GIGYF1: variants seen among roughly 807,000 people sequenced by gnomAD.
The protein encoded by GIGYF1 is GRB10 interacting GYF protein 1.
Under a neutral mutation model 147.1 loss-of-function variants are expected in GIGYF1, and 84 were observed. The ratio of observed to expected loss-of-function variants is 0.57; its 90% confidence interval spans 0.48 to 0.68. The LOEUF is 0.68. GIGYF1 is among the 30% of genes least tolerant of loss of function. The pLI is 0.00. For missense variants in GIGYF1, 1,485 were observed against 1,393.7 expected, an observed-to-expected ratio of 1.07 and a Z score of -1.04; for synonymous variants, 752 against 589.5, an observed-to-expected ratio of 1.28 and a Z score of -3.99.
In GIGYF1 at chr7:100,680,186, A is replaced by AAT. The variant is rs1804595237; in HGVS notation, c.*1532_*1533insAT. The stretch of plus-strand genomic sequence containing the variant: ...GGTGCAAAAAAAAAAAAAAAAAAAA[A>AAT]AAAATCCAACAACAGAAAACCAAAC... On this transcript the variant is annotated 3_prime_UTR_variant, in exon 27 of 27. Transcript: ENST00000678049. 2 of 152,068 alleles carry AAT rather than the reference A, an allele frequency of 1.3e-5. No homozygotes were observed. The highest frequency in any genetic ancestry group is 2.9e-5 in the Non-Finnish European group (2 of 67,966). 9.4% of individuals were successfully genotyped at this position (152,068 alleles called of 1,614,324 possible).
At position 100,686,194 on chromosome 7, in the gene GIGYF1, A is replaced by C; in HGVS notation, c.934T>G (p.Phe312Val). Residue 312 changes from phenylalanine (F) to valine (V), a missense_variant, in exon 11 of 27, where the codon TTC (phenylalanine) becomes GTC (valine). Phe to Val is a conservative substitution (Grantham distance 50, BLOSUM62 -1). Transcript: ENST00000678049. ...CTCACAGATACCTTGAGAGGCAAGA[A>C]GGCCCCAGAGGCATCAAAGGTGCCC... The part of the protein sequence containing the change: ...EMGTFDASGA[F>V]LPLKKGPKEP... 3.7e-6 allele frequency: 6 copies of C among 1,609,150 alleles called. No individual in the cohort carries two copies. Among genetic ancestry groups the C allele is most frequent in the Non-Finnish European group, 4.2e-6 (5 of 1,177,382 alleles).
At position 100,688,272 on chromosome 7, in the gene GIGYF1, G is replaced by T. The variant is rs199608510; in HGVS notation, c.-34C>A. On this transcript the variant is annotated 5_prime_UTR_variant, in exon 4 of 27. Coordinates refer to ENST00000678049, the MANE Select transcript of GIGYF1 (RefSeq NM_001375765.1). ...TGGGCGTGTTTGAGAGGCCGGGGGT[G>T]GGGAGGAGGGGACCTGGCGTTCACT... is the stretch of plus-strand genomic sequence containing the variant. 297 of 1,357,054 alleles carry T rather than the reference G, an allele frequency of 2.2e-4. 3 individuals are homozygous for T. In the African/African-American group the frequency reaches 3.9e-3, roughly 18 times the overall value. The allele number at this position is 1,357,054 out of a possible 1,614,324, so 84.1% of individuals were successfully genotyped here.
chr7:100,682,522 C>A, intron 23 of GIGYF1, 40 bp from the exon 24 acceptor site: 2 of 1,602,866 alleles, frequency 1.2e-6, no homozygotes, highest in African/African-American at 1.3e-5. Flanking sequence ...AATCAGCTGG[C>A]AGGGGTTGGG....
rs760462927 is a variant in GIGYF1 at position 100,683,543 on chromosome 7, C to A, written c.2052+7G>T. ...CCCAGGGCCTCAGCCCCAGGATGCC[C>A]ACTCACTTTATGTTGCAGCTGGAGT... On this transcript the variant is annotated splice_region_variant and intron_variant, in intron 20 of 26. Transcript: ENST00000678049. The A allele has an allele frequency of 2.5e-6, 4 of 1,613,982 alleles. No individual in the cohort carries two copies. The highest frequency in any genetic ancestry group is 2.5e-6 in the Non-Finnish European group (3 of 1,179,904).
rs935823935 is a variant in GIGYF1 at position 100,680,513 on chromosome 7, C to T, written c.*1206G>A. 1 of 152,674 alleles carries T rather than the reference C, an allele frequency of 6.5e-6. No homozygotes were observed. Among genetic ancestry groups the T allele is most frequent in the East Asian group, 1.9e-4 (1 of 5,196 alleles). The allele number at this position is 152,674 out of a possible 1,614,324, so 9.5% of individuals were successfully genotyped here. ...CACTTCTCTTCACCCCAACCTTACC[C>T]AACGGTAAAAAGCGCATCATATCAG... is the stretch of plus-strand genomic sequence containing the variant. On this transcript the variant is annotated 3_prime_UTR_variant, in exon 27 of 27. Transcript: ENST00000678049.
At chr7:100,691,629 C>G (rs1306214799) in intron 1 of GIGYF1, among the ~76,000 whole-genome samples, 2 of 152,082 alleles carry the variant, frequency 1.3e-5, no homozygotes, top group East Asian at 3.9e-4. Context: ...CTGCCACCTG[C>G]CCGTCTCAGC....
intron 15 of GIGYF1, 23 bp from the exon 16 acceptor site, chr7:100,684,639 G>T: frequency 1.2e-6 from 2 of 1,613,816 alleles, no homozygotes; most frequent in Non-Finnish European, 1.7e-6. Context: ...CGAGGGAGCG[G>T]GAGAACCACT....
rs757215722 is a variant in GIGYF1, at chr7:100,688,079, C to T, written c.67G>A (p.Ala23Thr). 6.6e-5 allele frequency: 106 copies of T among 1,610,614 alleles called. No homozygotes were observed. Among genetic ancestry groups the T allele is most frequent in the Non-Finnish European group, 8.7e-5 (102 of 1,178,386 alleles). The change falls in exon 5 of 27, where the codon GCC becomes ACC. Residue 23 changes from alanine (A) to threonine (T), a missense_variant. Physicochemically the swap from Ala to Thr is moderately conservative, Grantham distance 58 (BLOSUM62 0). Coordinates refer to ENST00000678049, the MANE Select transcript of GIGYF1 (RefSeq NM_001375765.1). ...LRALSGGGSV[A>T]SPPPSPAMPK... ...ATGGCAGGGGACGGGGGTGGGGAGG[C>T]CACGCTGCCGCCCCCGGACAGGGCC... is the stretch of plus-strand genomic sequence containing the variant.
chr7:100,684,437 A>C lies in GIGYF1; in HGVS notation c.1629+13T>G, dbSNP rs1444388466. On this transcript the variant is annotated intron_variant, in intron 16 of 26. Coordinates refer to ENST00000678049, the MANE Select transcript of GIGYF1 (RefSeq NM_001375765.1). The stretch of plus-strand genomic sequence containing the variant: ...CACACCCTGTCCCTCCATGCAGGGG[A>C]GAAGCGGCTCACCAGCAGTGGGGGA... The C allele has an allele frequency of 3.1e-6, 5 of 1,611,666 alleles. No homozygotes were observed. The highest frequency in any genetic ancestry group is 4.2e-6 in the Non-Finnish European group (5 of 1,179,854).
chr7:100,691,476 G>A lies in GIGYF1; in HGVS notation c.-1098-1921C>T, dbSNP rs118022221. Among the ~76,000 whole-genome samples the A allele has an allele frequency of 3.9e-4, 59 of 151,020 alleles. No homozygotes were observed. The East Asian group carries it at 5.7e-3, about 15-fold the overall frequency. ...TCCCACGAGGGAAATCTGAAATCCT[G>A]CCAGGAGAAAATCTTTGAGAAAAGA... On this transcript the variant is annotated intron_variant, in intron 1 of 26. Transcript: ENST00000678049.
At chr7:100,685,237 C>A (rs1329446085) in intron 13 of GIGYF1, 91 bp from the exon 14 acceptor site, 2 of 1,522,684 alleles carry the variant, frequency 1.3e-6, no homozygotes, top group African/African-American at 2.8e-5. Flanking sequence ...CACGCTCTTG[C>A]CATGGCTCCT....
chr7:100,693,324 T>G (rs1805971910), intron 1 of GIGYF1, among the ~76,000 whole-genome samples: 1 of 151,210 alleles, frequency 6.6e-6, no homozygotes. Flanking sequence ...AGGCAAAGTG[T>G]GAGAGCTGTG....
chr7:100,684,166 G>T lies in GIGYF1; in HGVS notation c.1731-9C>A, dbSNP rs777378848. 8 of 1,608,648 alleles carry T rather than the reference G, an allele frequency of 5.0e-6. No individual in the cohort carries two copies. In the African/African-American group the frequency reaches 1.1e-4, roughly 21 times the overall value. On this transcript the variant is annotated splice_polypyrimidine_tract_variant and intron_variant, in intron 17 of 26. Transcript: ENST00000678049. ...ACTGTGGGAGCTGGCGGCTGCAAAT[G>T]GGACAGTGGAGATGGTGGGCCACAG... is the stretch of plus-strand genomic sequence containing the variant.
In GIGYF1 at chr7:100,688,094, C is replaced by T. The variant is rs780937643; in HGVS notation, c.52G>A (p.Gly18Arg). 5.0e-6 allele frequency: 8 copies of T among 1,609,388 alleles called. No individual in the cohort carries two copies. Among genetic ancestry groups the T allele is most frequent in the South Asian group, 3.3e-5 (3 of 90,516 alleles). ...FGPEWLRALS[G>R]GGSVASPPPS... is the part of the protein sequence containing the mutation. Reference sequence around the variant, plus strand: ...GGTGGGGAGGCCACGCTGCCGCCCCCGGACAGGGCCCTGAGCCTGGACACA... The same window carrying T: ...GGTGGGGAGGCCACGCTGCCGCCCCTGGACAGGGCCCTGAGCCTGGACACA... The change falls in exon 5 of 27, where the codon GGG (glycine) becomes AGG (arginine). Residue 18 changes from glycine to arginine, a missense_variant. Transcript: ENST00000678049.
chr7:100,689,847 TGAG>T (rs1805685002), intron 1 of GIGYF1, among the ~76,000 whole-genome samples: 2 of 152,136 alleles, frequency 1.3e-5, no homozygotes, highest in African/African-American at 4.8e-5. Context: ...GGATGAGCCT[TGAG>T]GACATCACGC....
At chr7:100,686,904 G>C (rs1805405156) in intron 9 of GIGYF1, 85 bp from the exon 10 acceptor site, 1 of 1,602,812 alleles carries the variant, frequency 6.2e-7, no homozygotes. Context: ...GCCAGCTCCA[G>C]GCCCTCCTGC....
At chr7:100,683,966 C>T (rs781373973) in intron 18 of GIGYF1, 48 bp from the exon 19 acceptor site, 17 of 1,572,912 alleles carry the variant, frequency 1.1e-5, no homozygotes, top group Middle Eastern at 1.7e-4. Context: ...CATCTCTGGT[C>T]TGCCCCCATC....
At position 100,684,793 on chromosome 7, in the gene GIGYF1, G is replaced by T. The variant is rs917012279; in HGVS notation, c.1392C>A (p.Ala464=). The change falls in exon 15 of 27, where the codon GCC becomes GCA. Residue 464 remains alanine (A), a synonymous_variant. Transcript: ENST00000678049. ...CCCCATGGCTGAGCGGGAGGGCAGTGGCGGCTGCAGAGTGGCGCAGGCCCT... is the reference window on the plus strand; with the variant it reads ...CCCCATGGCTGAGCGGGAGGGCAGTTGCGGCTGCAGAGTGGCGCAGGCCCT... The part of the protein sequence containing the change: ...QTQGLRHSAA[A]TALPLSHGAA... 1 of 1,611,622 alleles carries T rather than the reference G, an allele frequency of 6.2e-7. No homozygotes were observed. Among genetic ancestry groups the T allele is most frequent in the East Asian group, 2.2e-5 (1 of 44,854 alleles).
chr7:100,691,628 G>A (rs1013384343), intron 1 of GIGYF1, among the ~76,000 whole-genome samples: 3 of 151,812 alleles, frequency 2.0e-5, no homozygotes, highest in Non-Finnish European at 2.9e-5. Context: ...ACTGCCACCT[G>A]CCCGTCTCAG....
Sources: allele counts gnomAD v4.1 joint callset (sites outside exome capture counted in the v4.1 genomes callset), GRCh38; gene constraint gnomAD v4.1.1; transcripts MANE v1.5; gene names NCBI Gene and HGNC (gene_info 2026-07-23, HGNC 2026-07-21).